Variants in MACROD1 observed in about 807,000 individuals in gnomAD.
MACROD1 encodes the protein mono-ADP ribosylhydrolase 1, also known as ADP-ribose glycohydrolase MACROD1.
A neutral mutation model predicts 41.4 loss-of-function variants in MACROD1; 31 were observed. That is an observed-to-expected ratio of 0.75 (90% CI 0.56 to 1.01). The LOEUF (loss-of-function observed/expected upper bound fraction) is 1.01. MACROD1 is among the 50% of genes least tolerant of loss of function. The probability of loss-of-function intolerance (pLI) is 0.00; values close to 1 mark genes in which losing one functional copy is unlikely to be tolerated. For missense variants in MACROD1, 473 were observed against 460.0 expected, an observed-to-expected ratio of 1.03 and a Z score of -0.26; for synonymous variants, 252 against 203.4, an observed-to-expected ratio of 1.24 and a Z score of -2.03.
intron 3 of MACROD1, among the ~76,000 whole-genome samples, chr11:64,113,962 GGATA>G (rs1944917001): frequency 6.7e-6 from 1 of 149,944 alleles, no homozygotes; most frequent in African/African-American, 2.5e-5. Flanking sequence ...ATGGATGGAT[GGATA>G]ATTGGATGGA....
At chr11:64,066,887 G>T (rs905006518) in intron 3 of MACROD1, among the ~76,000 whole-genome samples, 2 of 152,242 alleles carry the variant, frequency 1.3e-5, no homozygotes, top group African/African-American at 4.8e-5. Flanking sequence ...TGAAGAGCCA[G>T]GATTCAGGCT....
At chr11:64,031,474 T>G (rs571071703) in intron 3 of MACROD1, among the ~76,000 whole-genome samples, 72 of 123,934 alleles carry the variant, frequency 5.8e-4, no homozygotes, top group East Asian at 2.1e-3. Context: ...CTGCCTGCCT[T>G]CCTTTTTTTT....
chr11:64,117,104 C>G, intron 3 of MACROD1: 1 of 1,606,758 alleles, frequency 6.2e-7, no homozygotes, highest in South Asian at 1.1e-5. Flanking sequence ...ACCTGCAGGA[C>G]AATGCCATCA....
intron 3 of MACROD1, among the ~76,000 whole-genome samples, chr11:64,110,760 C>T (rs1053686585): frequency 1.3e-5 from 2 of 152,198 alleles, no homozygotes; most frequent in African/African-American, 4.8e-5. Flanking sequence ...CAAGCGATCC[C>T]ATAAAAGATG....
chr11:64,117,609 G>A, intron 3 of MACROD1: 1 of 1,613,724 alleles, frequency 6.2e-7, no homozygotes, highest in Non-Finnish European at 8.5e-7. Flanking sequence ...GGCCCTGACG[G>A]CAGACTCCAT....
intron 3 of MACROD1, among the ~76,000 whole-genome samples, chr11:64,018,778 G>A (rs867410196): frequency 6.6e-6 from 1 of 152,182 alleles, no homozygotes; most frequent in African/African-American, 2.4e-5. Flanking sequence ...CAGAGTACCC[G>A]GGGACTGGGG....
At chr11:64,147,754 T>C (rs1003296544) in intron 3 of MACROD1, among the ~76,000 whole-genome samples, 2 of 149,090 alleles carry the variant, frequency 1.3e-5, no homozygotes, top group African/African-American at 5.0e-5. Context: ...TATATATATA[T>C]ATATTTTAGA....
chr11:64,033,195 C>T (rs1024560371), intron 3 of MACROD1, among the ~76,000 whole-genome samples: 1 of 152,212 alleles, frequency 6.6e-6, no homozygotes, highest in Non-Finnish European at 1.5e-5. Flanking sequence ...AGCCCCCATG[C>T]TGGAATTTCA....
intron 3 of MACROD1, among the ~76,000 whole-genome samples, chr11:64,098,189 G>C (rs189045345): frequency 1.3e-5 from 2 of 152,110 alleles, no homozygotes. Context: ...TCCATGCCTC[G>C]GCACCCTCAC....
At chr11:64,010,827 GGTGTTGGCTTGCATGTTGGCTGGA>G (rs1943001164) in intron 4 of MACROD1, among the ~76,000 whole-genome samples, 3 of 143,086 alleles carry the variant, frequency 2.1e-5, no homozygotes, top group African/African-American at 5.7e-5. Context: ...TATTGGTTGG[GGTGTTGGCTTGCATGTTGGCTGGA>G]GTGTTGGTTG....
intron 4 of MACROD1, among the ~76,000 whole-genome samples, chr11:64,012,554 C>G (rs975919832): frequency 2.0e-5 from 3 of 152,112 alleles, no homozygotes; most frequent in African/African-American, 7.2e-5. Flanking sequence ...GTGTGTACCA[C>G]CATGCCCAGC....
At chr11:64,063,620 C>T (rs1345874743) in intron 3 of MACROD1, among the ~76,000 whole-genome samples, 1 of 152,176 alleles carries the variant, frequency 6.6e-6, no homozygotes, top group South Asian at 2.1e-4. Context: ...AGGAATGAAA[C>T]CACCTCTGGA....
At chr11:64,130,815 A>C (rs975897203) in intron 3 of MACROD1, among the ~76,000 whole-genome samples, 1 of 152,136 alleles carries the variant, frequency 6.6e-6, no homozygotes, top group African/African-American at 2.4e-5. Context: ...CAAAGTAAAC[A>C]GGCTCTCTGG....
chr11:64,005,294 C>T (rs1165250523), intron 4 of MACROD1, among the ~76,000 whole-genome samples: 1 of 152,222 alleles, frequency 6.6e-6, no homozygotes. Context: ...TCCCAAAGTG[C>T]TGGGATTATA....
chr11:64,140,089 C>T (rs1945390630), intron 3 of MACROD1, among the ~76,000 whole-genome samples: 2 of 152,180 alleles, frequency 1.3e-5, no homozygotes, highest in South Asian at 2.1e-4. Flanking sequence ...AGCATGCCAG[C>T]GCCCTCCACC....
At chr11:64,066,479 T>C (rs780532920) in intron 3 of MACROD1, among the ~76,000 whole-genome samples, 27 of 148,084 alleles carry the variant, frequency 1.8e-4, no homozygotes, top group Non-Finnish European at 3.0e-4. Context: ...ATTAGCGGAG[T>C]GTGGTGGCAT....
chr11:64,107,171 T>C (rs1944777235), intron 3 of MACROD1, among the ~76,000 whole-genome samples: 1 of 152,196 alleles, frequency 6.6e-6, no homozygotes, highest in Non-Finnish European at 1.5e-5. Flanking sequence ...ATGAGCCAAC[T>C]TGCCCAGCCC....
intron 3 of MACROD1, among the ~76,000 whole-genome samples, chr11:64,027,951 GAC>G (rs1943242729): frequency 1.3e-5 from 2 of 152,396 alleles, no homozygotes; most frequent in South Asian, 4.1e-4. Flanking sequence ...TCTCAGTAAA[GAC>G]AGAGGAAAGG....
chr11:64,072,803 C>T (rs549910575), intron 3 of MACROD1, among the ~76,000 whole-genome samples: 1 of 152,338 alleles, frequency 6.6e-6, no homozygotes, highest in South Asian at 2.1e-4. Context: ...TGCAGCTCCA[C>T]CCTGCATGTG....
Sources: gnomAD v4.1 joint callset for allele counts (sites outside exome capture counted in the v4.1 genomes callset) on GRCh38, gnomAD v4.1.1 for gene constraint, MANE v1.5 for transcripts, NCBI Gene and HGNC (gene_info 2026-07-23, HGNC 2026-07-21) for gene names.